The following RAB1A variants were observed in gnomAD, a reference collection of about 807,000 sequenced individuals.
The protein encoded by RAB1A is RAB1A, member RAS oncogene family.
A neutral mutation model predicts 26.0 loss-of-function variants in RAB1A; 2 were observed. That is an observed-to-expected ratio of 0.08 (90% CI 0.03 to 0.24). The LOEUF is 0.24. RAB1A is among the 10% of genes least tolerant of loss of function. RAB1A has a pLI of 1.00. For missense variants in RAB1A, 100 were observed against 247.0 expected (o/e 0.40, Z 3.99); for synonymous variants, 84 against 84.9 (o/e 0.99, Z 0.06).
intron 1 of RAB1A, among the ~76,000 whole-genome samples, chr2:65,129,483 A>G (rs1205656110): frequency 2.0e-5 from 3 of 152,162 alleles, no homozygotes; most frequent in African/African-American, 7.2e-5. Flanking sequence ...AGCTCCGCAG[A>G]GTGCGGGCGC....
chr2:65,128,800 T>C (rs1332732304), intron 1 of RAB1A, among the ~76,000 whole-genome samples: 1 of 152,186 alleles, frequency 6.6e-6, no homozygotes, highest in Non-Finnish European at 1.5e-5. Flanking sequence ...ATTCGGTCTC[T>C]TCCAATTATT....
chr2:65,091,389 C>G (rs1669167965), intron 3 of RAB1A, among the ~76,000 whole-genome samples: 2 of 152,144 alleles, frequency 1.3e-5, no homozygotes, highest in Non-Finnish European at 2.9e-5. Context: ...ATGCCACTGG[C>G]CGAAAGCCCT....
intron 2 of RAB1A, 64 bp from the exon 3 acceptor site, chr2:65,098,130 G>C: frequency 1.4e-6 from 1 of 731,024 alleles, no homozygotes. Context: ...AGTCTAAGTG[G>C]AAAAAAAAAA....
chr2:65,089,925 A>C (rs1354033081), intron 4 of RAB1A, among the ~76,000 whole-genome samples: 1 of 151,802 alleles, frequency 6.6e-6, no homozygotes, highest in Non-Finnish European at 1.5e-5. Flanking sequence ...CTAGTCTCTA[A>C]CTCCTGACCT....
At chr2:65,128,466 A>G (rs1670155442) in intron 1 of RAB1A, among the ~76,000 whole-genome samples, 1 of 152,172 alleles carries the variant, frequency 6.6e-6, no homozygotes, top group South Asian at 2.1e-4. Context: ...CCCTTGAAAA[A>G]AAATTTTTTT....
At chr2:65,105,914 C>A (rs531115897) in intron 1 of RAB1A, among the ~76,000 whole-genome samples, 1 of 152,240 alleles carries the variant, frequency 6.6e-6, no homozygotes, top group East Asian at 1.9e-4. Flanking sequence ...AGGCATGCGC[C>A]ACCACGCCCA....
intron 1 of RAB1A, among the ~76,000 whole-genome samples, chr2:65,110,306 C>T (rs776866373): frequency 6.6e-6 from 1 of 151,694 alleles, no homozygotes; most frequent in Non-Finnish European, 1.5e-5. Flanking sequence ...ACGGGTGTGG[C>T]GGCACACGCC....
In RAB1A at chr2:65,088,330, TA is replaced by T. The variant is rs1185657876; in HGVS notation, c.*162del. 7.3e-4 allele frequency: 411 copies of T among 563,734 alleles called. No homozygotes were observed. The highest frequency in any genetic ancestry group is 1.6e-3 in the South Asian group (57 of 36,656). The allele number at this position is 563,734 out of a possible 1,614,324, so 34.9% of individuals were successfully genotyped here. ...AGTTAGCTGTCTTGAGTCAAGGGAA[TA>T]AAAAAAAAGTCAGTATTGACCATTT... On this transcript the variant is annotated 3_prime_UTR_variant, in exon 6 of 6. Coordinates refer to ENST00000409784, the MANE Select transcript of RAB1A (RefSeq NM_004161.5).
intron 1 of RAB1A, among the ~76,000 whole-genome samples, chr2:65,105,907 C>T (rs1417442394): frequency 6.6e-6 from 1 of 152,062 alleles, no homozygotes; most frequent in Non-Finnish European, 1.5e-5. Flanking sequence ...GGATTATAGG[C>T]ATGCGCCACC....
chr2:65,098,944 C>T (rs993656867), intron 2 of RAB1A, among the ~76,000 whole-genome samples: 2 of 147,396 alleles, frequency 1.4e-5, no homozygotes, highest in African/African-American at 5.0e-5. Context: ...CCAAGCAATC[C>T]TCATGACTCA....
intron 1 of RAB1A, among the ~76,000 whole-genome samples, chr2:65,115,460 C>T (rs1369502566): frequency 6.6e-6 from 1 of 152,178 alleles, no homozygotes; most frequent in Non-Finnish European, 1.5e-5. Context: ...CAATTCAAAA[C>T]CAACCTTCAG....
At chr2:65,123,936 A>T (rs951774700) in intron 1 of RAB1A, among the ~76,000 whole-genome samples, 1 of 152,166 alleles carries the variant, frequency 6.6e-6, no homozygotes, top group Non-Finnish European at 1.5e-5. Context: ...TTGATGGTTA[A>T]AAACTGTCTA....
intron 1 of RAB1A, among the ~76,000 whole-genome samples, chr2:65,111,265 G>A (rs1187869563): frequency 6.6e-6 from 1 of 152,020 alleles, no homozygotes; most frequent in African/African-American, 2.4e-5. Flanking sequence ...GGGAGACTGA[G>A]GCAGGACAGT....
At chr2:65,094,138 T>G (rs1304068152) in intron 3 of RAB1A, among the ~76,000 whole-genome samples, 1 of 152,062 alleles carries the variant, frequency 6.6e-6, no homozygotes, top group Non-Finnish European at 1.5e-5. Context: ...CCTGGCTGAA[T>G]TTTGTGTTTT....
intron 3 of RAB1A, among the ~76,000 whole-genome samples, chr2:65,096,244 G>A (rs1487652970): frequency 6.6e-6 from 1 of 152,124 alleles, no homozygotes; most frequent in Non-Finnish European, 1.5e-5. Flanking sequence ...GAACCCAGGA[G>A]GCGGAGGTTG....
chr2:65,105,739 A>C (rs144166116), intron 1 of RAB1A, among the ~76,000 whole-genome samples: 1 of 152,032 alleles, frequency 6.6e-6, no homozygotes, highest in East Asian at 1.9e-4. Context: ...ACTTGTATTA[A>C]AGCATTTTTC....
chr2:65,097,907 A>G, intron 3 of RAB1A, 64 bp downstream of exon 3: 1 of 926,668 alleles, frequency 1.1e-6, no homozygotes, highest in Non-Finnish European at 1.6e-6. Flanking sequence ...ATATATACAA[A>G]ATAACAATAC....
At chr2:65,095,664 G>A (rs1182614019) in intron 3 of RAB1A, among the ~76,000 whole-genome samples, 1 of 151,548 alleles carries the variant, frequency 6.6e-6, no homozygotes, top group Non-Finnish European at 1.5e-5. Flanking sequence ...ATGCCTAGCT[G>A]AAGTTATGTG....
chr2:65,119,841 CAAAAAAAAAAAAAAA>C, intron 1 of RAB1A, among the ~76,000 whole-genome samples: 1 of 36,420 alleles, frequency 2.7e-5, no homozygotes, highest in African/African-American at 9.9e-5. Flanking sequence ...CCTGTCTCTA[CAAAAAAAAAAAAAAA>C]AAAAAAAAAA....
Sources: gnomAD v4.1 joint callset for allele counts (sites outside exome capture counted in the v4.1 genomes callset) on GRCh38, gnomAD v4.1.1 for gene constraint, MANE v1.5 for transcripts, NCBI Gene and HGNC (gene_info 2026-07-23, HGNC 2026-07-21) for gene names.